ARHGAP8: variants seen among roughly 807,000 people sequenced by gnomAD.
ARHGAP8 encodes the protein rho GTPase-activating protein 8.
A neutral mutation model predicts 46.1 loss-of-function variants in ARHGAP8; 62 were observed. The observed-to-expected ratio is 1.34, with a 90% CI of 1.10 to 1.66. The LOEUF is 1.66. ARHGAP8 is among the 40% of genes most tolerant of loss of function. The probability of loss-of-function intolerance (pLI) is 0.00; values close to 1 mark genes in which losing one functional copy is unlikely to be tolerated. For missense variants in ARHGAP8, 923 were observed against 568.4 expected, an observed-to-expected ratio of 1.62 and a Z score of -6.34; for synonymous variants, 375 against 243.1, an observed-to-expected ratio of 1.54 and a Z score of -5.05.
chr22:44,823,654 T>A (rs1464784024), intron 6 of ARHGAP8, among the ~76,000 whole-genome samples: 1 of 151,438 alleles, frequency 6.6e-6, no homozygotes. Flanking sequence ...TCCGGGGGAG[T>A]CCATGGAGAC....
chr22:44,829,795 T>A (rs6007313), intron 7 of ARHGAP8, among the ~76,000 whole-genome samples: 82,493 of 152,044 alleles, frequency 0.54, 23,024 homozygotes, highest in East Asian at 0.71. Flanking sequence ...GTTCAAAAGC[T>A]TACAGCAGAA....
At chr22:44,820,747 TC>T (rs1487753207) in intron 5 of ARHGAP8, among the ~76,000 whole-genome samples, 1 of 152,076 alleles carries the variant, frequency 6.6e-6, no homozygotes, top group Non-Finnish European at 1.5e-5. Context: ...AACCTGGCAA[TC>T]CCCGCCCTCC....
At chr22:44,860,767 G>C (rs536447567) in intron 11 of ARHGAP8, among the ~76,000 whole-genome samples, 10 of 152,130 alleles carry the variant, frequency 6.6e-5, no homozygotes, top group African/African-American at 1.7e-4. Flanking sequence ...ACAGGGGAAG[G>C]TTCAACACAT....
chr22:44,823,853 TG>T (rs1930324496), intron 6 of ARHGAP8, among the ~76,000 whole-genome samples: 1 of 152,076 alleles, frequency 6.6e-6, no homozygotes, highest in Admixed American at 6.6e-5. Flanking sequence ...TGCAGGTGGC[TG>T]GCAACACTGA....
At chr22:44,788,226 C>G (rs1440226310) in intron 2 of ARHGAP8, among the ~76,000 whole-genome samples, 1 of 152,070 alleles carries the variant, frequency 6.6e-6, no homozygotes, top group Non-Finnish European at 1.5e-5. Flanking sequence ...TCAAGTGATT[C>G]TCCTGTCTCA....
At chr22:44,759,505 A>G (rs1037336925) in intron 1 of ARHGAP8, among the ~76,000 whole-genome samples, 5 of 152,176 alleles carry the variant, frequency 3.3e-5, no homozygotes, top group African/African-American at 1.2e-4. Context: ...TGGGGATAGT[A>G]TGGAGATCAG....
At chr22:44,793,583 T>C (rs5012765) in intron 2 of ARHGAP8, among the ~76,000 whole-genome samples, 29,409 of 152,084 alleles carry the variant, frequency 0.19, 3,065 homozygotes, top group East Asian at 0.43. Context: ...TGCTACTGCC[T>C]TTATGATGCG....
chr22:44,833,315 G>C (rs928311847), intron 7 of ARHGAP8, among the ~76,000 whole-genome samples: 2 of 151,698 alleles, frequency 1.3e-5, no homozygotes, highest in Non-Finnish European at 2.9e-5. Flanking sequence ...CCCAGGCTGG[G>C]AACATCATTT....
chr22:44,842,296 G>A (rs1405221088), intron 7 of ARHGAP8, among the ~76,000 whole-genome samples: 2 of 152,216 alleles, frequency 1.3e-5, no homozygotes, highest in Admixed American at 1.3e-4. Flanking sequence ...GGTGGAGGTT[G>A]CAGTGAGCAG....
intron 2 of ARHGAP8, among the ~76,000 whole-genome samples, chr22:44,796,973 T>G (rs930110753): frequency 6.6e-6 from 1 of 152,188 alleles, no homozygotes; most frequent in African/African-American, 2.4e-5. Context: ...AGATGATGGG[T>G]GTGGCTGCCA....
chr22:44,758,841 A>G (rs1225002321), intron 1 of ARHGAP8, among the ~76,000 whole-genome samples: 2 of 152,214 alleles, frequency 1.3e-5, no homozygotes, highest in South Asian at 2.1e-4. Flanking sequence ...GAGGGTTGTC[A>G]TGGAAGGTGT....
intron 1 of ARHGAP8, among the ~76,000 whole-genome samples, chr22:44,760,312 C>G (rs1925033173): frequency 6.6e-6 from 1 of 152,158 alleles, no homozygotes; most frequent in Non-Finnish European, 1.5e-5. Flanking sequence ...ACCCTGGAAT[C>G]CCAGCTCAGT....
chr22:44,759,591 G>C (rs566952242), intron 1 of ARHGAP8, among the ~76,000 whole-genome samples: 71 of 152,268 alleles, frequency 4.7e-4, no homozygotes, highest in Non-Finnish European at 9.1e-4. Flanking sequence ...CGGCAAGTTG[G>C]CTGCAGCCCT....
rs114279873 is a variant in ARHGAP8, at chr22:44,859,775, C to A, written c.922C>A (p.Arg308=). Residue 308 remains arginine (R), a synonymous_variant, in exon 11 of 12, where the codon CGG becomes AGG. Coordinates refer to ENST00000356099, the MANE Select transcript of ARHGAP8 (RefSeq NM_181335.3). ...LRVTGCRQIL[R]SLPEHNYVVL... ...TGTCACTGGCTGCCGCCAGATCTTA[C>A]GGAGCCTCCCAGAGCACAACTACGT... 12 of 1,614,062 alleles carry A rather than the reference C, an allele frequency of 7.4e-6. No individual in the cohort carries two copies. Among genetic ancestry groups the A allele is most frequent in the South Asian group, 2.2e-5 (2 of 91,084 alleles).
At chr22:44,760,881 C>T (rs1453561499) in intron 1 of ARHGAP8, among the ~76,000 whole-genome samples, 1 of 152,128 alleles carries the variant, frequency 6.6e-6, no homozygotes. Context: ...TTGTCCCCGA[C>T]CCTGGGGGGG....
chr22:44,764,742 G>T (rs56970873), intron 1 of ARHGAP8, among the ~76,000 whole-genome samples: 25,626 of 152,268 alleles, frequency 0.17, 2,311 homozygotes, highest in Middle Eastern at 0.21. Flanking sequence ...AGAGAAACCT[G>T]AGTGTGCGGA....
At chr22:44,862,228 T>A (rs777833501) in intron 11 of ARHGAP8, 47 bp from the exon 12 acceptor site, 1 of 1,542,056 alleles carries the variant, frequency 6.5e-7, no homozygotes, top group Non-Finnish European at 8.8e-7. Flanking sequence ...CAGGTGCCCG[T>A]GCCCCTTGGT....
At chr22:44,808,780 A>G (rs968103751) in intron 4 of ARHGAP8, 53 of 433,224 alleles carry the variant, frequency 1.2e-4, no homozygotes, top group African/African-American at 9.9e-4. Context: ...GCTGGCCAAC[A>G]TGGCGAAACC....
Position 44,808,420 on chromosome 22 carries a change from A to C in ARHGAP8, c.281A>C (p.Tyr94Ser). The change falls in exon 4 of 12, where the codon TAC becomes TCC. Residue 94 changes from tyrosine (Y) to serine (S), a missense_variant. Tyr to Ser is a moderately radical substitution (Grantham distance 144). Coordinates refer to ENST00000356099, the MANE Select transcript of ARHGAP8 (RefSeq NM_181335.3). ...TCCCTGGGCTGGCTCCAGAGCGCAT[A>C]CAAGGAGTTCGATAGGAAGTACGTG... ...KPSLGWLQSA[Y>S]KEFDRKYKKN... is the part of the protein sequence containing the mutation. 6.2e-7 allele frequency: 1 copy of C among 1,614,176 alleles called. No individual in the cohort carries two copies. Among genetic ancestry groups the C allele is most frequent in the Non-Finnish European group, 8.5e-7 (1 of 1,180,026 alleles).
Sources: allele counts gnomAD v4.1 joint callset (sites outside exome capture counted in the v4.1 genomes callset), GRCh38; gene constraint gnomAD v4.1.1; transcripts MANE v1.5; gene names NCBI Gene and HGNC (gene_info 2026-07-23, HGNC 2026-07-21).